Variants in FKBP9 observed in about 807,000 individuals in gnomAD.
FKBP9 encodes the protein peptidyl-prolyl cis-trans isomerase FKBP9.
Under a neutral mutation model 55.6 loss-of-function variants are expected in FKBP9, and 27 were observed. That is an observed-to-expected ratio of 0.49 (90% CI 0.36 to 0.67). FKBP9 has a LOEUF of 0.67. Among genes scored for constraint, FKBP9 ranks in the 30% least tolerant of loss-of-function variants. FKBP9 has a pLI of 0.00. For synonymous variants in FKBP9, 267 were observed against 296.5 expected (o/e 0.90, Z 1.02); for missense variants, 539 against 742.8 (o/e 0.73, Z 3.19).
chr7:32,967,930 T>C (rs1323698545), intron 1 of FKBP9, among the ~76,000 whole-genome samples: 1 of 152,130 alleles, frequency 6.6e-6, no homozygotes, highest in Non-Finnish European at 1.5e-5. Flanking sequence ...GATTTTTGTA[T>C]TTTTAGTAGA....
chr7:33,002,932 G>A lies in FKBP9; in HGVS notation c.1536+93G>A, dbSNP rs191191614. Reference sequence around the variant, plus strand: ...CGGTTCTGAAGGTAAGGACTTCTAAGGGTGAGGCCAGCTGGCTGGAGGGCT... The same window carrying A: ...CGGTTCTGAAGGTAAGGACTTCTAAAGGTGAGGCCAGCTGGCTGGAGGGCT... On this transcript the variant is annotated intron_variant, in intron 9 of 9. Coordinates refer to ENST00000242209, the MANE Select transcript of FKBP9 (RefSeq NM_007270.5). The A allele has an allele frequency of 7.2e-4, 955 of 1,320,324 alleles. 1 individual carries two copies. Among genetic ancestry groups the A allele is most frequent in the Non-Finnish European group, 8.5e-4 (813 of 952,106 alleles). 81.8% of individuals were successfully genotyped at this position (1,320,324 alleles called of 1,614,324 possible).
intron 1 of FKBP9, among the ~76,000 whole-genome samples, chr7:32,972,845 C>G (rs1784279957): frequency 6.6e-6 from 1 of 152,138 alleles, no homozygotes; most frequent in Non-Finnish European, 1.5e-5. Context: ...ACCTCAGGCT[C>G]CCAAGTAGCT....
chr7:32,968,431 T>C (rs1784189732), intron 1 of FKBP9, among the ~76,000 whole-genome samples: 1 of 152,198 alleles, frequency 6.6e-6, no homozygotes, highest in African/African-American at 2.4e-5. Context: ...CTAGAGCAAG[T>C]ACATTTTGCA....
At chr7:32,990,006 T>C (rs1464331986) in intron 6 of FKBP9, among the ~76,000 whole-genome samples, 1 of 152,060 alleles carries the variant, frequency 6.6e-6, no homozygotes, top group Non-Finnish European at 1.5e-5. Flanking sequence ...TTTTTTTTTT[T>C]TTGTAAAGAC....
At chr7:32,970,259 C>A (rs981262414) in intron 1 of FKBP9, among the ~76,000 whole-genome samples, 2 of 151,884 alleles carry the variant, frequency 1.3e-5, no homozygotes, top group Admixed American at 6.6e-5. Flanking sequence ...TGAAGTGGTG[C>A]AATTTCGGCT....
At chr7:33,000,305 A>G in intron 8 of FKBP9, 45 bp downstream of exon 8, 3 of 1,528,988 alleles carry the variant, frequency 2.0e-6, no homozygotes, top group Non-Finnish European at 2.7e-6. Flanking sequence ...CCCGCTTACT[A>G]TCTGAATTTT....
Position 32,957,849 on chromosome 7 carries a change from G to A in FKBP9, c.221+55G>A, listed in dbSNP as rs921804260. ...TCAGCGGATGCGCGTCCCTCTCTCC[G>A]GACAGGCCTTTCCCTCCTGCCGGAC... On this transcript the variant is annotated intron_variant, in intron 1 of 9. Coordinates refer to ENST00000242209, the MANE Select transcript of FKBP9 (RefSeq NM_007270.5). 1.7e-5 allele frequency: 22 copies of A among 1,309,506 alleles called. No individual in the cohort carries two copies. The South Asian group carries it at 2.9e-4, about 17-fold the overall frequency. 81.1% of individuals were successfully genotyped at this position (1,309,506 alleles called of 1,614,324 possible).
At chr7:32,965,820 T>TATATATATATATATGTGTACAC in intron 1 of FKBP9, among the ~76,000 whole-genome samples, 1 of 15,610 alleles carries the variant, frequency 6.4e-5, no homozygotes, top group South Asian at 2.6e-3. Flanking sequence ...AAAATATATA[T>TATATATATATATATGTGTACAC]ATATATATAT....
intron 7 of FKBP9, among the ~76,000 whole-genome samples, chr7:32,996,702 CTT>C (rs1175610135): frequency 9.2e-6 from 1 of 109,254 alleles, no homozygotes; most frequent in African/African-American, 3.5e-5. Context: ...CTTTCTTTCT[CTT>C]TCTCTCTTTC....
intron 7 of FKBP9, among the ~76,000 whole-genome samples, chr7:32,996,918 C>T (rs1784810427): frequency 6.6e-6 from 1 of 150,822 alleles, no homozygotes; most frequent in Non-Finnish European, 1.5e-5. Flanking sequence ...CCTCAGCCTC[C>T]CTAGTAGCTG....
chr7:32,982,770 A>G (rs1240197518), intron 5 of FKBP9, among the ~76,000 whole-genome samples: 1 of 152,226 alleles, frequency 6.6e-6, no homozygotes, highest in African/African-American at 2.4e-5. Flanking sequence ...TTTCCATTTT[A>G]GTACAGTGGG....
rs1268419483 is a variant in FKBP9 at position 32,976,470 on chromosome 7, C to T, written c.674C>T (p.Pro225Leu). Residue 225 changes from proline (P) to leucine (L), a missense_variant, in exon 4 of 10, where the codon CCT becomes CTT. Physicochemically the swap from Pro to Leu is moderately conservative, Grantham distance 98 (BLOSUM62 -3). Transcript: ENST00000242209. The stretch of plus-strand genomic sequence containing the variant: ...GAGAAGCGCATCATCACCATTCCTC[C>T]TTTTCTGGCCTATGGAGAGGATGGA... ...VGEKRIITIP[P>L]FLAYGEDGDG... The T allele has an allele frequency of 6.2e-7, 1 of 1,612,232 alleles. No individual in the cohort carries two copies. The highest frequency in any genetic ancestry group is 1.3e-5 in the African/African-American group (1 of 74,854).
chr7:32,974,205 G>A (rs1166097959), intron 1 of FKBP9, among the ~76,000 whole-genome samples: 1 of 151,028 alleles, frequency 6.6e-6, no homozygotes, highest in Non-Finnish European at 1.5e-5. Flanking sequence ...GAGGCGGGGG[G>A]GCCTCACTTT....
rs1242881292 is a variant in FKBP9 at position 33,000,381 on chromosome 7, G to A, written c.1372+121G>A. On this transcript the variant is annotated intron_variant, in intron 8 of 9. Transcript: ENST00000242209. Reference sequence around the variant, plus strand: ...CTTACATGTAATACCCAAAGAGTGTGTGGTTTCTATTTTTAAAAAATTATT... The same window carrying A: ...CTTACATGTAATACCCAAAGAGTGTATGGTTTCTATTTTTAAAAAATTATT... 2.9e-6 allele frequency: 4 copies of A among 1,376,792 alleles called. No individual in the cohort carries two copies. The African/African-American group carries it at 4.4e-5, about 15-fold the overall frequency. The allele number at this position is 1,376,792 out of a possible 1,614,324, so 85.3% of individuals were successfully genotyped here.
rs533902389 is a variant in FKBP9, at chr7:32,964,214, G to A, written c.221+6420G>A. Among the ~76,000 whole-genome samples the A allele has an allele frequency of 9.8e-5, 15 of 152,350 alleles. No homozygotes were observed. In the South Asian group the frequency reaches 2.9e-3, roughly 29 times the overall value. ...TAGCTACTTCTCACTGTGGTCTCCT[G>A]AGGCCATTGGCAGCTGGCCAAGCAC... is the stretch of plus-strand genomic sequence containing the variant. On this transcript the variant is annotated intron_variant, in intron 1 of 9. Transcript: ENST00000242209.
intron 1 of FKBP9, among the ~76,000 whole-genome samples, chr7:32,965,809 A>AT (rs2127976979): frequency 5.4e-4 from 9 of 16,716 alleles, no homozygotes; most frequent in East Asian, 4.2e-3. Context: ...AAAAAAAAAA[A>AT]AAAATATATA....
At chr7:33,001,629 T>C (rs1389997114) in intron 8 of FKBP9, among the ~76,000 whole-genome samples, 1 of 151,824 alleles carries the variant, frequency 6.6e-6, no homozygotes, top group Non-Finnish European at 1.5e-5. Context: ...ACATATAATC[T>C]AGATAAAATA....
chr7:33,000,285 G>T lies in FKBP9; in HGVS notation c.1372+25G>T, dbSNP rs376122812. ...GGTGAGTAAGCAACGCTATTCAAGG[G>T]TGTTGGGGGCCCGCTTACTATCTGA... On this transcript the variant is annotated intron_variant, in intron 8 of 9. Transcript: ENST00000242209. 1,178 of 1,586,558 alleles carry T rather than the reference G, an allele frequency of 7.4e-4. 1 individual carries two copies. The highest frequency in any genetic ancestry group is 9.2e-4 in the Non-Finnish European group (1,064 of 1,159,686).
At chr7:32,992,285 G>T (rs1013845948) in intron 6 of FKBP9, among the ~76,000 whole-genome samples, 2 of 136,802 alleles carry the variant, frequency 1.5e-5, no homozygotes, top group Non-Finnish European at 3.1e-5. Flanking sequence ...CCCCTCAGAG[G>T]AAACCCACCC....
Sources: gnomAD v4.1 joint callset for allele counts (sites outside exome capture counted in the v4.1 genomes callset) on GRCh38, gnomAD v4.1.1 for gene constraint, MANE v1.5 for transcripts, NCBI Gene and HGNC (gene_info 2026-07-23, HGNC 2026-07-21) for gene names.